TUSC3: variants seen among roughly 807,000 people sequenced by gnomAD.
TUSC3 encodes tumor suppressor candidate 3.
In TUSC3, 45 loss-of-function variants were observed where a neutral mutation model predicts 44.8. The ratio of observed to expected loss-of-function variants is 1.00; its 90% CI spans 0.79 to 1.29. TUSC3 has a LOEUF of 1.29. TUSC3 is among the 50% of genes most tolerant of loss of function. The pLI is 0.00. For synonymous variants in TUSC3, 212 were observed against 152.9 expected, an observed-to-expected ratio of 1.39 and a Z score of -2.85; for missense variants, 519 against 437.9, an observed-to-expected ratio of 1.19 and a Z score of -1.65.
intron 2 of TUSC3, among the ~76,000 whole-genome samples, chr8:15,634,325 A>G (rs1805965732): frequency 6.6e-6 from 1 of 152,130 alleles, no homozygotes; most frequent in African/African-American, 2.4e-5. Flanking sequence ...TGATGAATAC[A>G]TTGTGTCCAC....
At chr8:15,532,958 A>G (rs540826299) in intron 2 of TUSC3, among the ~76,000 whole-genome samples, 3 of 152,168 alleles carry the variant, frequency 2.0e-5, no homozygotes, top group South Asian at 4.2e-4. Context: ...ATGCCCAGCT[A>G]ATTTTTGTAT....
intron 1 of TUSC3, among the ~76,000 whole-genome samples, chr8:15,465,009 C>T (rs1800396102): frequency 1.3e-5 from 2 of 152,088 alleles, no homozygotes; most frequent in African/African-American, 4.8e-5. Context: ...GCCACCATGC[C>T]CAGCTAATTT....
At chr8:15,519,255 C>G (rs1337475456) in intron 2 of TUSC3, among the ~76,000 whole-genome samples, 1 of 152,010 alleles carries the variant, frequency 6.6e-6, no homozygotes, top group African/African-American at 2.4e-5. Flanking sequence ...AGATAAAATC[C>G]TAATTGAAAC....
intron 6 of TUSC3, among the ~76,000 whole-genome samples, chr8:15,708,783 G>A (rs578008308): frequency 4.6e-5 from 7 of 151,932 alleles, no homozygotes; most frequent in Middle Eastern, 3.4e-3. Context: ...TACAAGATAC[G>A]TGGAGTCATG....
chr8:15,437,065 T>G (rs1296156702), intron 1 of TUSC3, among the ~76,000 whole-genome samples: 1 of 152,148 alleles, frequency 6.6e-6, no homozygotes, highest in Non-Finnish European at 1.5e-5. Flanking sequence ...CTTAAAAGTT[T>G]AAAGGAAATT....
At chr8:15,642,925 A>C (rs551489251) in intron 2 of TUSC3, among the ~76,000 whole-genome samples, 3 of 152,298 alleles carry the variant, frequency 2.0e-5, no homozygotes, top group African/African-American at 7.2e-5. Flanking sequence ...TATTAGTTGC[A>C]CAAATATTAA....
chr8:15,510,013 T>G (rs78808375), intron 2 of TUSC3, among the ~76,000 whole-genome samples: 6,608 of 151,734 alleles, frequency 0.044, 452 homozygotes, highest in African/African-American at 0.15. Flanking sequence ...CTACAAAAAA[T>G]AAAAAGAAAA....
chr8:15,469,084 G>C (rs1170947817), intron 1 of TUSC3, among the ~76,000 whole-genome samples: 1 of 152,098 alleles, frequency 6.6e-6, no homozygotes, highest in Non-Finnish European at 1.5e-5. Context: ...AAAATTCCCT[G>C]GAGATAATGA....
chr8:15,664,150 C>T (rs1807550028), intron 5 of TUSC3, among the ~76,000 whole-genome samples: 1 of 151,656 alleles, frequency 6.6e-6, no homozygotes, highest in South Asian at 2.1e-4. Flanking sequence ...CATTTATAAA[C>T]AAGGAAACAA....
chr8:15,479,998 C>A (rs2129124213), intron 1 of TUSC3, among the ~76,000 whole-genome samples: 1 of 152,238 alleles, frequency 6.6e-6, no homozygotes, highest in East Asian at 1.9e-4. Context: ...GCATTCCATA[C>A]ACTAGCAATA....
chr8:15,495,791 G>C (rs1585065593), intron 2 of TUSC3, among the ~76,000 whole-genome samples: 1 of 152,188 alleles, frequency 6.6e-6, no homozygotes, highest in South Asian at 2.1e-4. Context: ...AGAGATCATA[G>C]GCTTATATTG....
At chr8:15,473,156 C>G (rs780336918) in intron 1 of TUSC3, among the ~76,000 whole-genome samples, 15 of 152,150 alleles carry the variant, frequency 9.9e-5, no homozygotes, top group Non-Finnish European at 2.2e-4. Flanking sequence ...AGAATATTAA[C>G]TTATTTCTGA....
At chr8:15,781,041 G>A in the TUSC3 span, among the ~76,000 whole-genome samples, 2 of 152,140 alleles carry the variant, frequency 1.3e-5, no homozygotes, top group Non-Finnish European at 2.9e-5. Flanking sequence ...GGTAGTTAAA[G>A]GGACAGACAA....
chr8:15,482,351 A>C (rs946883381), intron 1 of TUSC3, among the ~76,000 whole-genome samples: 2 of 152,184 alleles, frequency 1.3e-5, no homozygotes, highest in Non-Finnish European at 2.9e-5. Context: ...TGAATCACAA[A>C]GTTCTCGTGG....
At position 15,672,364 on chromosome 8, in the gene TUSC3, G is replaced by A. The variant is rs117652606; in HGVS notation, c.709-1383G>A. 4.8e-3 allele frequency among the ~76,000 whole-genome samples: 725 copies of A among 151,910 alleles called. 19 individuals carry two copies. The East Asian group carries it at 0.07, about 15-fold the overall frequency. On this transcript the variant is annotated intron_variant, in intron 5 of 10. Transcript: ENST00000503731. Reference sequence around the variant, plus strand: ...TATAGACAGGAAACTGAGGCCCAAAGCAATGGACTTGCTCAATGTTTAAAT... The same window carrying A: ...TATAGACAGGAAACTGAGGCCCAAAACAATGGACTTGCTCAATGTTTAAAT...
chr8:15,641,361 C>CAAAAA (rs34446791), intron 2 of TUSC3, among the ~76,000 whole-genome samples: 3 of 99,460 alleles, frequency 3.0e-5, no homozygotes, highest in Non-Finnish European at 4.0e-5. Context: ...GACTCCGTCT[C>CAAAAA]AAAAAAAAAA....
rs541745868 is a variant in TUSC3 at position 15,502,579 on chromosome 8, C to T, written n.189+19096C>T. On this transcript the variant is annotated intron_variant and non_coding_transcript_variant, in intron 2 of 5. Coordinates refer to the TUSC3 transcript ENST00000503191. Reference sequence around the variant, plus strand: ...GATCTCCGCTCACTGCAAGCTCCACCTCCTGGGTTCACACCATTGTCCTGT... The same window carrying T: ...GATCTCCGCTCACTGCAAGCTCCACTTCCTGGGTTCACACCATTGTCCTGT... 1.1e-3 allele frequency among the ~76,000 whole-genome samples: 170 copies of T among 152,348 alleles called. 1 individual carries two copies. Among genetic ancestry groups the T allele is most frequent in the African/African-American group, 4.0e-3 (167 of 41,580 alleles).
intron 7 of TUSC3, among the ~76,000 whole-genome samples, chr8:15,731,995 C>G (rs1810743221): frequency 6.6e-6 from 1 of 152,144 alleles, no homozygotes; most frequent in African/African-American, 2.4e-5. Context: ...TCAAAGACTT[C>G]CTCGTTTGTA....
the TUSC3 span, among the ~76,000 whole-genome samples, chr8:15,831,385 G>T: frequency 1.3e-5 from 2 of 152,016 alleles, no homozygotes; most frequent in African/African-American, 4.8e-5. Context: ...AATTCCAAAA[G>T]CCAGAGTACC....
Sources: gnomAD v4.1 joint callset for allele counts (sites outside exome capture counted in the v4.1 genomes callset) on GRCh38, gnomAD v4.1.1 for gene constraint, MANE v1.5 for transcripts, NCBI Gene and HGNC (gene_info 2026-07-23, HGNC 2026-07-21) for gene names.